The following TNS3 variants were observed in gnomAD, a reference collection of about 807,000 sequenced individuals.
The protein encoded by TNS3 is tensin-3.
A neutral mutation model predicts 140.9 loss-of-function variants in TNS3; 45 were observed. The ratio of observed to expected loss-of-function variants is 0.32; its 90% CI spans 0.25 to 0.41. The LOEUF (loss-of-function observed/expected upper bound fraction) is 0.41. Ranked by LOEUF, TNS3 falls within the 10% of genes least tolerant of loss-of-function variation. TNS3 has a pLI of 1.00. For missense variants in TNS3, 1,716 were observed against 1,906.7 expected (o/e 0.90, Z 1.86); for synonymous variants, 815 against 788.4 (o/e 1.03, Z -0.56).
At chr7:47,400,665 G>A in intron 14 of TNS3, 120 bp downstream of exon 14, 1 of 1,497,758 alleles carries the variant, frequency 6.7e-7, no homozygotes, top group South Asian at 1.3e-5. Context: ...CCTACTTTGG[G>A]AACAATTTTG....
upstream of TNS3, chr7:47,582,137 G>GGCTGGCT (rs963656293): frequency 2.0e-5 from 3 of 151,320 alleles, no homozygotes; most frequent in African/African-American, 7.3e-5. Context: ...CCGTCCTCCT[G>GGCTGGCT]GCTGGCTGCC....
intron 1 of TNS3, among the ~76,000 whole-genome samples, chr7:47,542,906 G>A (rs764540722): frequency 6.2e-5 from 9 of 144,862 alleles, no homozygotes; most frequent in East Asian, 2.1e-4. Flanking sequence ...CTCCAACCAC[G>A]GGGAACAGTG....
rs1023575086 is a variant in TNS3 at position 47,506,912 on chromosome 7, C to T, written c.-120G>A. ...GAAAGCAACGGAATGCTTACCTTGG[C>T]TTCACATTTCTTGTGGCAGGAATAC... On this transcript the variant is annotated 5_prime_UTR_variant, in exon 3 of 31. Coordinates refer to ENST00000311160, the MANE Select transcript of TNS3 (RefSeq NM_022748.12). The T allele has an allele frequency of 7.8e-7, 1 of 1,289,324 alleles. No homozygotes were observed. The highest frequency in any genetic ancestry group is 1.0e-6 in the Non-Finnish European group (1 of 988,732). 79.9% of individuals were successfully genotyped at this position (1,289,324 alleles called of 1,614,324 possible).
At chr7:47,281,251 C>T (rs183075906) in intron 28 of TNS3, among the ~76,000 whole-genome samples, 11 of 152,206 alleles carry the variant, frequency 7.2e-5, no homozygotes, top group Admixed American at 7.2e-4. Flanking sequence ...CACCTGACAG[C>T]CCTTAGTCAC....
chr7:47,545,412 AG>A (rs1266092992), intron 1 of TNS3, among the ~76,000 whole-genome samples: 2 of 152,068 alleles, frequency 1.3e-5, no homozygotes, highest in Non-Finnish European at 2.9e-5. Context: ...TGGTCACGAA[AG>A]GGGAGGGCTT....
Position 47,396,650 on chromosome 7 carries a change from T to G in TNS3, c.1024+150A>C, listed in dbSNP as rs1023142858. ...CACGAAGACCCTCAAAACTCACAAC[T>G]GTGTCACACGAAGGTGTGATTCTGG... On this transcript the variant is annotated intron_variant, in intron 16 of 30. Transcript: ENST00000311160. 5.8e-6 allele frequency: 4 copies of G among 691,578 alleles called. No individual in the cohort carries two copies. The African/African-American group carries it at 7.1e-5, about 12-fold the overall frequency. 42.8% of individuals were successfully genotyped at this position (691,578 alleles called of 1,614,324 possible). A position where few individuals can be genotyped will look rare whatever the true frequency, so the allele number is the denominator to read the frequency against.
Position 47,439,665 on chromosome 7 carries a change from G to C in TNS3, c.-22-7C>G. 6.2e-7 allele frequency: 1 copy of C among 1,613,476 alleles called. No individual in the cohort carries two copies. The highest frequency in any genetic ancestry group is 8.5e-7 in the Non-Finnish European group (1 of 1,179,754). ...GGGACTCAGGATGACGGGCCTGCGA[G>C]AGAGCAGTGGGCAGATCAGAAACAG... On this transcript the variant is annotated splice_region_variant and splice_polypyrimidine_tract_variant and intron_variant, in intron 5 of 30. Coordinates refer to ENST00000311160, the MANE Select transcript of TNS3 (RefSeq NM_022748.12).
intron 17 of TNS3, among the ~76,000 whole-genome samples, chr7:47,356,923 CAA>C (rs35835302): frequency 2.3e-5 from 3 of 131,874 alleles, no homozygotes; most frequent in Admixed American, 7.6e-5. Context: ...CAGAAAAATA[CAA>C]AAAAAAAAAA....
chr7:47,488,695 C>T (rs981149544), intron 3 of TNS3, among the ~76,000 whole-genome samples: 2 of 152,214 alleles, frequency 1.3e-5, no homozygotes, highest in Non-Finnish European at 2.9e-5. Context: ...AAACAAAATG[C>T]AACCCCCCAG....
At chr7:47,538,160 CAGG>C (rs1352179840) in intron 1 of TNS3, among the ~76,000 whole-genome samples, 3 of 152,128 alleles carry the variant, frequency 2.0e-5, no homozygotes, top group Non-Finnish European at 4.4e-5. Flanking sequence ...TTAGAAACGC[CAGG>C]AGGAGAGGCG....
At chr7:47,478,822 G>C (rs1161606364) in intron 4 of TNS3, among the ~76,000 whole-genome samples, 1 of 152,024 alleles carries the variant, frequency 6.6e-6, no homozygotes, top group Non-Finnish European at 1.5e-5. Flanking sequence ...ATGCATGTAT[G>C]TGTTCATGTA....
intron 1 of TNS3, among the ~76,000 whole-genome samples, chr7:47,539,816 T>G (rs764087594): frequency 6.6e-6 from 1 of 152,200 alleles, no homozygotes; most frequent in Non-Finnish European, 1.5e-5. Flanking sequence ...CAATAAACAC[T>G]GGTGCAGGAA....
At chr7:47,482,539 C>T (rs1320942980) in intron 3 of TNS3, among the ~76,000 whole-genome samples, 1 of 152,148 alleles carries the variant, frequency 6.6e-6, no homozygotes, top group African/African-American at 2.4e-5. Context: ...TACAGGATGG[C>T]GGAAACAGCC....
intron 10 of TNS3, among the ~76,000 whole-genome samples, chr7:47,419,060 G>A (rs746319490): frequency 6.1e-4 from 93 of 152,242 alleles, no homozygotes; most frequent in Non-Finnish European, 1.2e-3. Context: ...GTTTCTTAAC[G>A]TTCTGCTGAG....
chr7:47,494,350 A>T (rs1399337025), intron 3 of TNS3, among the ~76,000 whole-genome samples: 1 of 150,946 alleles, frequency 6.6e-6, no homozygotes, highest in East Asian at 1.9e-4. Flanking sequence ...CAACCTCCTG[A>T]GGTTCAATCG....
chr7:47,459,288 G>T (rs1015433054), intron 4 of TNS3, among the ~76,000 whole-genome samples: 7 of 152,214 alleles, frequency 4.6e-5, no homozygotes, highest in Admixed American at 1.3e-4. Flanking sequence ...CCTCTAGAAA[G>T]TGCTGTGACT....
chr7:47,414,073 G>T (rs1793938791), intron 11 of TNS3, 76 bp from the exon 12 acceptor site: 4 of 1,460,094 alleles, frequency 2.7e-6, no homozygotes, highest in African/African-American at 2.8e-5. Context: ...CAGAAAGACA[G>T]AAAGCGACGA....
At chr7:47,560,538 C>T (rs4146600) in intron 1 of TNS3, among the ~76,000 whole-genome samples, 148,939 of 152,272 alleles carry the variant, frequency 0.98, 72,928 homozygotes, top group East Asian at 1. Context: ...TGGCATTCTC[C>T]CCAGACTCCC....
At position 47,537,195 on chromosome 7, in the gene TNS3, G is replaced by A. The variant is rs558230021; in HGVS notation, c.-264-8048C>T. 1.2e-4 allele frequency among the ~76,000 whole-genome samples: 18 copies of A among 152,152 alleles called. No individual in the cohort carries two copies. In the South Asian group the frequency reaches 3.5e-3, roughly 30 times the overall value. ...CCCAGCGGCTATCTGGGGGGAGGAT[G>A]CCTCCCGAGTCCCCTGCGGACACAA... On this transcript the variant is annotated intron_variant, in intron 1 of 30. Transcript: ENST00000311160.
Sources: gnomAD v4.1 joint callset for allele counts (sites outside exome capture counted in the v4.1 genomes callset) on GRCh38, gnomAD v4.1.1 for gene constraint, MANE v1.5 for transcripts, NCBI Gene and HGNC (gene_info 2026-07-23, HGNC 2026-07-21) for gene names.